The following SIAE variants were observed in gnomAD, a reference collection of about 807,000 sequenced individuals.
SIAE encodes sialate O-acetylesterase.
A neutral mutation model predicts 52.6 loss-of-function variants in SIAE; 39 were observed. The ratio of observed to expected loss-of-function variants is 0.74; its 90% CI spans 0.57 to 0.97. The LOEUF (loss-of-function observed/expected upper bound fraction) is 0.97. Ranked by LOEUF, SIAE falls within the 50% of genes least tolerant of loss-of-function variation. The pLI is 0.00. For missense variants in SIAE, 592 were observed against 662.1 expected (o/e 0.89, Z 1.16); for synonymous variants, 233 against 241.4 (o/e 0.97, Z 0.32).
Position 124,637,207 on chromosome 11 carries a change from T to C in SIAE, c.1321-5A>G. 6.2e-7 allele frequency: 1 copy of C among 1,614,094 alleles called. No individual in the cohort carries two copies. ...ATGGTCACTGCAACAGGAGATCTAA[T>C]AAGAGAGCCATAAAATAGGAATGAT... On this transcript the variant is annotated splice_region_variant and splice_polypyrimidine_tract_variant and intron_variant, in intron 9 of 9. Coordinates refer to ENST00000263593, the MANE Select transcript of SIAE (RefSeq NM_170601.5).
At position 124,669,336 on chromosome 11, in the gene SIAE, T is replaced by G. The variant is rs780200932; in HGVS notation, c.229+24A>C. 3 of 1,613,916 alleles carry G rather than the reference T, an allele frequency of 1.9e-6. No individual in the cohort carries two copies. The African/African-American group carries it at 4.0e-5, about 22-fold the overall frequency. On this transcript the variant is annotated intron_variant, in intron 2 of 9. Transcript: ENST00000263593. The stretch of plus-strand genomic sequence containing the variant: ...GCAGGTGGCAGAAGAGGGCAATAGC[T>G]GAACGGAAGATGGGCTGCCTTACCT...
At chr11:124,665,872 G>C (rs73609524) in intron 2 of SIAE, among the ~76,000 whole-genome samples, 1 of 151,890 alleles carries the variant, frequency 6.6e-6, no homozygotes, top group African/African-American at 2.4e-5. Context: ...GCCAACCAGG[G>C]GCAGGGAGGG....
At chr11:124,663,809 T>C (rs968271342) in intron 2 of SIAE, among the ~76,000 whole-genome samples, 1 of 152,132 alleles carries the variant, frequency 6.6e-6, no homozygotes, top group African/African-American at 2.4e-5. Context: ...TCAGAAACAG[T>C]GTTGACCCAC....
intron 2 of SIAE, among the ~76,000 whole-genome samples, chr11:124,664,967 C>T (rs960917821): frequency 6.9e-6 from 1 of 145,796 alleles, no homozygotes; most frequent in African/African-American, 2.5e-5. Flanking sequence ...GTCAAGAAGG[C>T]CTTACTGCCT....
Position 124,636,587 on chromosome 11 carries a change from T to G in SIAE, c.*364A>C. Reference sequence around the variant, plus strand: ...ACACATGAACACTAGCTGGCCTATGTGGCCTTTAAAATCTCTTCCAATCCT... The same window carrying G: ...ACACATGAACACTAGCTGGCCTATGGGGCCTTTAAAATCTCTTCCAATCCT... On this transcript the variant is annotated 3_prime_UTR_variant, in exon 10 of 10. Transcript: ENST00000263593. The G allele has an allele frequency of 3.1e-6, 1 of 324,502 alleles. No homozygotes were observed. The highest frequency in any genetic ancestry group is 2.9e-5 in the South Asian group (1 of 34,840). The allele number at this position is 324,502 out of a possible 1,614,324, so 20.1% of individuals were successfully genotyped here.
At chr11:124,673,989 A>C, upstream of SIAE, 4 of 490,978 alleles carry the variant, frequency 8.1e-6, no homozygotes, top group East Asian at 3.5e-5. Context: ...CGATACCAAG[A>C]CCTAGCCTTT....
intron 2 of SIAE, among the ~76,000 whole-genome samples, chr11:124,662,668 G>A (rs1943205188): frequency 6.6e-6 from 1 of 152,144 alleles, no homozygotes; most frequent in Non-Finnish European, 1.5e-5. Flanking sequence ...GCCAGAGGAT[G>A]CACTCCCTCT....
In SIAE at chr11:124,635,889, TAA is replaced by T. The variant is rs1402739965; in HGVS notation, c.*1060_*1061del. ...TTTTTAATCCATCAGTAAACTGCAT[TAA>T]GATTCTTAATAAACAAACACTGAAG... is the stretch of plus-strand genomic sequence containing the variant. On this transcript the variant is annotated 3_prime_UTR_variant, in exon 10 of 10. Transcript: ENST00000263593. The T allele has an allele frequency of 1.3e-5, 2 of 152,236 alleles. No individual in the cohort carries two copies. The highest frequency in any genetic ancestry group is 2.9e-5 in the Non-Finnish European group (2 of 68,038). The allele number at this position is 152,236 out of a possible 1,614,324, so 9.4% of individuals were successfully genotyped here.
chr11:124,644,368 A>C (rs1005477189), intron 7 of SIAE, among the ~76,000 whole-genome samples: 3 of 149,164 alleles, frequency 2.0e-5, no homozygotes, highest in Admixed American at 6.7e-5. Flanking sequence ...AAAAAAAAAA[A>C]AAAAAACTAG....
rs1355055173 is a variant in SIAE at position 124,654,750 on chromosome 11, T to C, written c.449A>G (p.Gln150Arg). The C allele has an allele frequency of 1.2e-6, 2 of 1,614,000 alleles. No homozygotes were observed. Among genetic ancestry groups the C allele is most frequent in the African/African-American group, 1.3e-5 (1 of 74,914 alleles). Residue 150 changes from glutamine (Q) to arginine (R), a missense_variant, in exon 4 of 10, where the codon CAG becomes CGG. Coordinates refer to ENST00000263593, the MANE Select transcript of SIAE (RefSeq NM_170601.5). Reference protein sequence around the residue: ...TRELSNTAAYQSVRILSVSPI... With the variant: ...TRELSNTAAYRSVRILSVSPI... ...AGAGACAGAGAGGATGCGGACAGAC[T>C]GATATGCCGCAGTGTTAGACAACTC...
In SIAE at chr11:124,650,142, G is replaced by A. The variant is rs148927788; in HGVS notation, c.545-346C>T. ...CAAGGAAATAGCTCTCTCTGCCTGGGAGAGAGGCAGATATGATAGCGATTT... is the reference window on the plus strand; with the variant it reads ...CAAGGAAATAGCTCTCTCTGCCTGGAAGAGAGGCAGATATGATAGCGATTT... On this transcript the variant is annotated intron_variant, in intron 4 of 9. Transcript: ENST00000263593. Among the ~76,000 whole-genome samples the A allele has an allele frequency of 2.5e-3, 387 of 152,262 alleles. 1 individual carries two copies. Among genetic ancestry groups the A allele is most frequent in the African/African-American group, 9.1e-3 (377 of 41,544 alleles).
chr11:124,657,591 A>G (rs1943121715), intron 3 of SIAE, among the ~76,000 whole-genome samples: 1 of 152,240 alleles, frequency 6.6e-6, no homozygotes, highest in African/African-American at 2.4e-5. Context: ...AATGGTTGGC[A>G]TTCTCCTATA....
At chr11:124,650,158 A>G (rs1388553864) in intron 4 of SIAE, among the ~76,000 whole-genome samples, 3 of 152,184 alleles carry the variant, frequency 2.0e-5, no homozygotes, top group African/African-American at 4.8e-5. Context: ...GGCAGATATG[A>G]TAGCGATTTT....
chr11:124,639,747 C>T lies in SIAE; in HGVS notation c.1087G>A (p.Ala363Thr), dbSNP rs1218244143. 7 of 1,614,088 alleles carry T rather than the reference C, an allele frequency of 4.3e-6. No individual in the cohort carries two copies. The highest frequency in any genetic ancestry group is 5.1e-6 in the Non-Finnish European group (6 of 1,180,036). Residue 363 changes from alanine (A) to threonine (T), a missense_variant, in exon 8 of 10, where the codon GCT (alanine) becomes ACT (threonine). Ala to Thr is a moderately conservative substitution (Grantham distance 58, BLOSUM62 0). Transcript: ENST00000263593. ...GAGTCTCTATCACAGAGATCCATAG[C>T]TACAGCCATGAAAGTATTGGGCATC... is the stretch of plus-strand genomic sequence containing the variant. ...PKMPNTFMAVAMDLCDRDSPF... is the reference protein window; with the variant it reads ...PKMPNTFMAVTMDLCDRDSPF...
chr11:124,654,197 A>C, intron 4 of SIAE: 7 of 983,834 alleles, frequency 7.1e-6, no homozygotes, highest in Non-Finnish European at 8.4e-6. Flanking sequence ...AAAAAGAAAA[A>C]AAAGAAATGG....
intron 2 of SIAE, among the ~76,000 whole-genome samples, chr11:124,664,658 GCAAA>G (rs949631435): frequency 2.6e-5 from 4 of 152,096 alleles, no homozygotes; most frequent in African/African-American, 9.7e-5. Context: ...GGAAGAACAA[GCAAA>G]CAATCAATGG....
intron 2 of SIAE, among the ~76,000 whole-genome samples, chr11:124,663,161 T>C (rs1943216033): frequency 6.7e-6 from 1 of 149,740 alleles, no homozygotes; most frequent in Admixed American, 6.6e-5. Context: ...AAAAAAGTCA[T>C]GTAAACTCTG....
At chr11:124,651,941 G>A (rs1268609976) in intron 4 of SIAE, among the ~76,000 whole-genome samples, 2 of 152,214 alleles carry the variant, frequency 1.3e-5, no homozygotes, top group Non-Finnish European at 2.9e-5. Flanking sequence ...GGGAAGAAGA[G>A]AGCTGGAGAA....
chr11:124,664,834 G>A (rs556093941), intron 2 of SIAE, among the ~76,000 whole-genome samples: 54 of 152,060 alleles, frequency 3.6e-4, no homozygotes, highest in African/African-American at 1.3e-3. Flanking sequence ...TTCCCTTCCC[G>A]AGAAGAACAA....
Sources: allele counts gnomAD v4.1 joint callset (sites outside exome capture counted in the v4.1 genomes callset), GRCh38; gene constraint gnomAD v4.1.1; transcripts MANE v1.5; gene names NCBI Gene and HGNC (gene_info 2026-07-23, HGNC 2026-07-21).